The following DNMBP variants were observed in gnomAD, a reference collection of about 807,000 sequenced individuals.
DNMBP encodes dynamin-binding protein.
In DNMBP, 87 loss-of-function variants were observed where a neutral mutation model predicts 150.0. The observed-to-expected ratio is 0.58, with a 90% CI of 0.49 to 0.69. The LOEUF (loss-of-function observed/expected upper bound fraction) is 0.69. Among genes scored for constraint, DNMBP ranks in the 30% least tolerant of loss-of-function variants. The pLI is 0.00. For missense variants in DNMBP, 1,774 were observed against 1,949.0 expected (o/e 0.91, Z 1.69); for synonymous variants, 711 against 750.4 (o/e 0.95, Z 0.86).
chr10:99,964,864 C>A (rs1232908721), intron 3 of DNMBP, among the ~76,000 whole-genome samples: 3 of 135,712 alleles, frequency 2.2e-5, no homozygotes, highest in African/African-American at 9.4e-5. Context: ...GTGTGAGACT[C>A]CAGCCCAAGG....
intron 1 of DNMBP, among the ~76,000 whole-genome samples, chr10:99,988,981 T>C (rs1564755525): frequency 6.6e-6 from 1 of 152,074 alleles, no homozygotes; most frequent in African/African-American, 2.4e-5. Context: ...GCCCTTTCTA[T>C]ACCCATGTCC....
At chr10:99,906,413 A>C (rs893712231) in intron 6 of DNMBP, among the ~76,000 whole-genome samples, 1 of 152,112 alleles carries the variant, frequency 6.6e-6, no homozygotes, top group African/African-American at 2.4e-5. Flanking sequence ...TGTAATTAGG[A>C]TTCTAATAAA....
intron 4 of DNMBP, among the ~76,000 whole-genome samples, chr10:99,948,849 G>C (rs2040387936): frequency 6.6e-6 from 1 of 151,926 alleles, no homozygotes; most frequent in Non-Finnish European, 1.5e-5. Context: ...TGTAATTCCA[G>C]CTACTCGGGA....
chr10:99,914,752 C>T (rs1410926672), intron 4 of DNMBP, among the ~76,000 whole-genome samples: 7 of 151,848 alleles, frequency 4.6e-5, no homozygotes, highest in East Asian at 1.9e-4. Flanking sequence ...GGAAAAGAGA[C>T]GAAAGAAAGG....
Position 99,986,090 on chromosome 10 carries a change from A to T in DNMBP, c.-10-13956T>A, listed in dbSNP as rs532114510. ...ATGTTCAAGCCTTTTTTCCCTCTCT[A>T]AGTCACAGAGGATATACATCTTTCT... On this transcript the variant is annotated intron_variant, in intron 1 of 16. Coordinates refer to ENST00000324109, the MANE Select transcript of DNMBP (RefSeq NM_015221.4). Among the ~76,000 whole-genome samples the T allele has an allele frequency of 2.2e-4, 34 of 152,292 alleles. No individual in the cohort carries two copies. In the South Asian group the frequency reaches 6.8e-3, roughly 31 times the overall value.
chr10:99,888,643 A>G (rs966904685), intron 12 of DNMBP, among the ~76,000 whole-genome samples, 182 bp downstream of exon 12: 2 of 152,238 alleles, frequency 1.3e-5, no homozygotes, highest in Non-Finnish European at 2.9e-5. Flanking sequence ...CACAGGTCCT[A>G]CATCTCCCTT....
At chr10:99,885,591 G>A (rs2039443953) in intron 14 of DNMBP, 96 bp downstream of exon 14, 7 of 1,143,216 alleles carry the variant, frequency 6.1e-6, no homozygotes, top group African/African-American at 1.6e-5. Context: ...ATGAAATACA[G>A]AAACTCCAAT....
chr10:99,941,127 C>T (rs111990122), intron 4 of DNMBP, among the ~76,000 whole-genome samples: 8,060 of 152,156 alleles, frequency 0.053, 246 homozygotes, highest in African/African-American at 0.083. Context: ...TCAAGTGCTC[C>T]GCCCGCCTCG....
chr10:99,914,607 AT>A (rs1341300984), intron 4 of DNMBP, among the ~76,000 whole-genome samples: 2 of 152,184 alleles, frequency 1.3e-5, no homozygotes, highest in Non-Finnish European at 2.9e-5. Flanking sequence ...GGCAGGAGTG[AT>A]TCACAGGAAC....
At chr10:99,930,851 G>T in intron 4 of DNMBP, 1 of 585,716 alleles carries the variant, frequency 1.7e-6, no homozygotes, top group Non-Finnish European at 3.0e-6. Context: ...GCCTAAGGCT[G>T]GATTTGTCCT....
rs150151309 is a variant in DNMBP at position 99,910,919 on chromosome 10, TAAGAG to T, written c.2261-1778_2261-1774del. On this transcript the variant is annotated intron_variant, in intron 4 of 16. Coordinates refer to ENST00000324109, the MANE Select transcript of DNMBP (RefSeq NM_015221.4). ...TTATGGTAGAATGTCAGCTGATAAA[TAAGAG>T]AAGAAATAATGGAGTCAGCAAATCA... Among the ~76,000 whole-genome samples the T allele has an allele frequency of 1.0e-3, 155 of 152,236 alleles. 1 individual carries two copies. The highest frequency in any genetic ancestry group is 3.7e-3 in the African/African-American group (152 of 41,536).
At chr10:99,960,283 TTTAATCTTACAGTTAAGATTAAAG>T (rs1420572643) in intron 3 of DNMBP, among the ~76,000 whole-genome samples, 1 of 152,212 alleles carries the variant, frequency 6.6e-6, no homozygotes, top group African/African-American at 2.4e-5. Flanking sequence ...GATTATCTAT[TTTAATCTTACAGTTAAGATTAAAG>T]TTAATCTTAC....
intron 1 of DNMBP, among the ~76,000 whole-genome samples, chr10:99,980,154 A>C (rs1477167079): frequency 6.6e-6 from 1 of 152,246 alleles, no homozygotes; most frequent in African/African-American, 2.4e-5. Context: ...AATAAAATTT[A>C]CAATGTAGAG....
intron 4 of DNMBP, among the ~76,000 whole-genome samples, chr10:99,943,377 G>GC (rs1378700052): frequency 7.0e-5 from 9 of 129,100 alleles, no homozygotes; most frequent in Admixed American, 2.3e-4. Context: ...CTTGTGTGTG[G>GC]TTTTTTGTTT....
chr10:99,937,618 G>C (rs2040248106), intron 4 of DNMBP, among the ~76,000 whole-genome samples: 1 of 152,132 alleles, frequency 6.6e-6, no homozygotes, highest in Non-Finnish European at 1.5e-5. Context: ...TAATTCAAAA[G>C]TGGACCACTA....
rs377272375 is a variant in DNMBP, at chr10:99,924,311, C to T, written c.2261-15165G>A. On this transcript the variant is annotated intron_variant, in intron 4 of 16. Transcript: ENST00000324109. ...AAAAAAAATTAGCCAGGCGTGGTGG[C>T]GGGCACCTGTAGTCCCAGCTACTCG... Among the ~76,000 whole-genome samples the T allele has an allele frequency of 5.8e-3, 846 of 145,248 alleles. 11 individuals are homozygous for T. The highest frequency in any genetic ancestry group is 0.021 in the African/African-American group (810 of 39,096).
At chr10:99,921,743 T>C (rs933763398) in intron 4 of DNMBP, among the ~76,000 whole-genome samples, 4 of 151,060 alleles carry the variant, frequency 2.6e-5, no homozygotes, top group Admixed American at 6.6e-5. Flanking sequence ...TACATGCCTA[T>C]AGTCCCAGCT....
At chr10:99,890,410 A>G (rs2039538578) in intron 11 of DNMBP, among the ~76,000 whole-genome samples, 1 of 152,226 alleles carries the variant, frequency 6.6e-6, no homozygotes, top group South Asian at 2.1e-4. Flanking sequence ...AGCAGTCAGA[A>G]CTAAATTGAT....
intron 15 of DNMBP, among the ~76,000 whole-genome samples, chr10:99,883,129 A>C (rs997307167): frequency 6.6e-6 from 1 of 152,156 alleles, no homozygotes. Flanking sequence ...GTCTCACATC[A>C]CCTTCATTCA....
Sources: allele counts gnomAD v4.1 joint callset (sites outside exome capture counted in the v4.1 genomes callset), GRCh38; gene constraint gnomAD v4.1.1; transcripts MANE v1.5; gene names NCBI Gene and HGNC (gene_info 2026-07-23, HGNC 2026-07-21).